Variants in ZNF385D observed in about 807,000 individuals in gnomAD.
ZNF385D encodes zinc finger protein 385D, also known as zinc finger protein 659.
A neutral mutation model predicts 35.8 loss-of-function variants in ZNF385D; 15 were observed. The ratio of observed to expected loss-of-function variants is 0.42; its 90% CI spans 0.28 to 0.64. The LOEUF is 0.64. Among genes scored for constraint, ZNF385D ranks in the 30% least tolerant of loss-of-function variants. The pLI is 0.23. For synonymous variants in ZNF385D, 212 were observed against 186.8 expected (o/e 1.13, Z -1.10); for missense variants, 474 against 494.6 (o/e 0.96, Z 0.39).
intron 2 of ZNF385D, among the ~76,000 whole-genome samples, chr3:21,615,567 C>G (rs1340355750): frequency 6.6e-6 from 1 of 152,078 alleles, no homozygotes; most frequent in Non-Finnish European, 1.5e-5. Context: ...TTCCATTTAA[C>G]TTCTGTATTT....
chr3:21,738,307 T>A (rs1057071717), intron 1 of ZNF385D, among the ~76,000 whole-genome samples: 1 of 152,218 alleles, frequency 6.6e-6, no homozygotes, highest in Non-Finnish European at 1.5e-5. Flanking sequence ...CAGCCAGACA[T>A]CTTGGGTATG....
chr3:22,347,711 A>G (rs909980886), intron 2 of ZNF385D, among the ~76,000 whole-genome samples: 2 of 152,204 alleles, frequency 1.3e-5, no homozygotes, highest in Non-Finnish European at 2.9e-5. Context: ...ACAATAGAGG[A>G]TTACACAAAA....
intron 3 of ZNF385D, among the ~76,000 whole-genome samples, chr3:21,970,977 T>C (rs1703217151): frequency 6.6e-6 from 1 of 152,002 alleles, no homozygotes; most frequent in African/African-American, 2.4e-5. Flanking sequence ...AAAAATGTTC[T>C]TCAAACAAAG....
intron 2 of ZNF385D, among the ~76,000 whole-genome samples, chr3:21,664,145 C>A (rs9830291): frequency 6.6e-6 from 1 of 150,434 alleles, no homozygotes; most frequent in Non-Finnish European, 1.5e-5. Flanking sequence ...CGTTTCTAAC[C>A]TTTTCAACCC....
chr3:22,127,932 C>G (rs1177228073), intron 3 of ZNF385D, among the ~76,000 whole-genome samples: 1 of 152,114 alleles, frequency 6.6e-6, no homozygotes, highest in South Asian at 2.1e-4. Flanking sequence ...AGTTTACATA[C>G]CAGAACTGCA....
intron 2 of ZNF385D, among the ~76,000 whole-genome samples, chr3:22,319,416 T>C (rs1575110764): frequency 6.6e-6 from 1 of 152,048 alleles, no homozygotes; most frequent in East Asian, 1.9e-4. Context: ...AGTTTTTATA[T>C]AATTATAAAA....
intron 2 of ZNF385D, among the ~76,000 whole-genome samples, chr3:22,325,976 C>G (rs532285014): frequency 1.3e-5 from 2 of 152,198 alleles, no homozygotes; most frequent in Non-Finnish European, 2.9e-5. Context: ...TACCTCATAG[C>G]AGGTGCACCA....
At chr3:22,063,170 T>G (rs1056345777) in intron 3 of ZNF385D, among the ~76,000 whole-genome samples, 12 of 152,228 alleles carry the variant, frequency 7.9e-5, no homozygotes, top group African/African-American at 2.7e-4. Context: ...TTAATTTTTT[T>G]AACCTTTCTG....
chr3:21,672,898 G>A lies in ZNF385D; in HGVS notation c.23-7870C>T, dbSNP rs182890232. Among the ~76,000 whole-genome samples, 166 of 152,218 alleles carry A rather than the reference G, an allele frequency of 1.1e-3. 1 individual carries two copies. The highest frequency in any genetic ancestry group is 3.9e-3 in the African/African-American group (161 of 41,542). ...ACTTTGATGACAATTTCTGGTGCCT[G>A]AAACATACTAGAGAAAAATTATGTT... is the stretch of plus-strand genomic sequence containing the variant. On this transcript the variant is annotated intron_variant, in intron 1 of 7. Transcript: ENST00000281523.
rs2125228288 is a variant in ZNF385D at position 21,415,929 on chromosome 3, A to C, written c.*5285T>G. ...AGAGAAGACCCTCAAATTGAAGGTAATGTTCAGTCCCTTGACATCTGAACA... is the reference window on the plus strand; with the variant it reads ...AGAGAAGACCCTCAAATTGAAGGTACTGTTCAGTCCCTTGACATCTGAACA... On this transcript the variant is annotated 3_prime_UTR_variant, in exon 8 of 8. Transcript: ENST00000281523. 1 of 152,234 alleles carries C rather than the reference A, an allele frequency of 6.6e-6. No homozygotes were observed. The highest frequency in any genetic ancestry group is 6.6e-5 in the Admixed American group (1 of 15,256). The allele number at this position is 152,234 out of a possible 1,614,324, so 9.4% of individuals were successfully genotyped here. A position where few individuals can be genotyped will look rare whatever the true frequency, so the allele number is the denominator to read the frequency against.
At chr3:22,186,063 T>A (rs566214975) in intron 2 of ZNF385D, among the ~76,000 whole-genome samples, 129 of 152,268 alleles carry the variant, frequency 8.5e-4, no homozygotes, top group Non-Finnish European at 1.6e-3. Flanking sequence ...GGACAAACAC[T>A]CACACACTCT....
chr3:22,068,780 A>G (rs1033349390), intron 3 of ZNF385D, among the ~76,000 whole-genome samples: 15 of 152,212 alleles, frequency 9.9e-5, no homozygotes, highest in Admixed American at 2.0e-4. Flanking sequence ...GTGAAGAAAA[A>G]CATTACATTA....
chr3:22,083,007 TAAC>T (rs1700838031), intron 3 of ZNF385D, among the ~76,000 whole-genome samples: 1 of 152,038 alleles, frequency 6.6e-6, no homozygotes, highest in Admixed American at 6.6e-5. Flanking sequence ...AAGAAAAACT[TAAC>T]AAACAGAAAG....
At chr3:21,429,719 C>T (rs1701204778) in intron 5 of ZNF385D, among the ~76,000 whole-genome samples, 1 of 152,032 alleles carries the variant, frequency 6.6e-6, no homozygotes, top group Non-Finnish European at 1.5e-5. Context: ...AGTTGCCCCT[C>T]TCTAAAATAA....
chr3:21,995,536 A>G (rs1695409280), intron 3 of ZNF385D, among the ~76,000 whole-genome samples: 1 of 152,048 alleles, frequency 6.6e-6, no homozygotes, highest in Admixed American at 6.6e-5. Flanking sequence ...ATCAATCCCC[A>G]GGTCGCTGGA....
At chr3:22,154,918 C>T (rs1028376247) in intron 3 of ZNF385D, among the ~76,000 whole-genome samples, 23 of 152,082 alleles carry the variant, frequency 1.5e-4, no homozygotes, top group African/African-American at 4.1e-4. Context: ...TGATATTATA[C>T]AAATTGATTG....
At chr3:21,676,489 A>G (rs980829899) in intron 1 of ZNF385D, among the ~76,000 whole-genome samples, 6 of 152,070 alleles carry the variant, frequency 3.9e-5, no homozygotes, top group African/African-American at 1.4e-4. Context: ...CCCAAAAAGG[A>G]TTTACTTTAA....
intron 3 of ZNF385D, chr3:22,133,925 T>A (rs1703953241): frequency 6.6e-6 from 1 of 152,080 alleles, no homozygotes; most frequent in Non-Finnish European, 1.5e-5. Context: ...AACAACCTCT[T>A]TTTGTATGAA....
chr3:21,872,749 A>C lies in ZNF385D; in HGVS notation c.326-207721T>G, dbSNP rs778610734. 5.3e-5 allele frequency among the ~76,000 whole-genome samples: 8 copies of C among 152,268 alleles called. No homozygotes were observed. The East Asian group carries it at 1.5e-3, about 29-fold the overall frequency. The stretch of plus-strand genomic sequence containing the variant: ...TGAAGGGATAAAAGCATCAAAAAAC[A>C]TAACAATCTGTCTTCAGCAAATTTC... On this transcript the variant is annotated intron_variant, in intron 3 of 5. Coordinates refer to the ZNF385D transcript ENST00000494108.
Sources: allele counts gnomAD v4.1 joint callset (sites outside exome capture counted in the v4.1 genomes callset), GRCh38; gene constraint gnomAD v4.1.1; transcripts MANE v1.5; gene names NCBI Gene and HGNC (gene_info 2026-07-23, HGNC 2026-07-21).